Variants in PRDM2 observed in about 807,000 individuals in gnomAD.
PRDM2 encodes PR/SET domain 2.
In PRDM2, 30 loss-of-function variants were observed where a neutral mutation model predicts 130.0. The observed-to-expected ratio is 0.23, with a 90% CI of 0.17 to 0.31. PRDM2 has a LOEUF of 0.31. Among genes scored for constraint, PRDM2 ranks in the 10% least tolerant of loss-of-function variants. The pLI, the probability that PRDM2 is intolerant of heterozygous loss-of-function variation, is 1.00. For synonymous variants in PRDM2, 871 were observed against 782.4 expected, an observed-to-expected ratio of 1.11 and a Z score of -1.89; for missense variants, 2,011 against 2,108.4, an observed-to-expected ratio of 0.95 and a Z score of 0.90.
At chr1:13,789,591 C>T (rs114873185) in intron 8 of PRDM2, among the ~76,000 whole-genome samples, 186 of 152,210 alleles carry the variant, frequency 1.2e-3, no homozygotes, top group Middle Eastern at 3.4e-3. Flanking sequence ...AGATGACTGC[C>T]GGCTTTTAAT....
At chr1:13,701,519 T>A (rs1642073292) in intron 1 of PRDM2, among the ~76,000 whole-genome samples, 1 of 152,192 alleles carries the variant, frequency 6.6e-6, no homozygotes, top group Non-Finnish European at 1.5e-5. Flanking sequence ...TGAGACACAC[T>A]GTCATACGTT....
At position 13,769,819 on chromosome 1, in the gene PRDM2, C is replaced by T. The variant is rs527346647; in HGVS notation, c.512-3259C>T. Among the ~76,000 whole-genome samples, 3 of 152,272 alleles carry T rather than the reference C, an allele frequency of 2.0e-5. 1 individual carries two copies. The highest frequency in any genetic ancestry group is 2.1e-4 in the South Asian group (1 of 4,818). The stretch of plus-strand genomic sequence containing the variant: ...AGTTTTTAATACATGTATAGACCGT[C>T]GAGTGTGATCCAGAAATGCATTGAT... On this transcript the variant is annotated intron_variant, in intron 6 of 9. Coordinates refer to ENST00000311066, the MANE Select transcript of PRDM2 (RefSeq NM_001393986.1).
intron 8 of PRDM2, among the ~76,000 whole-genome samples, chr1:13,791,602 G>A (rs1396154728): frequency 6.6e-6 from 1 of 152,154 alleles, no homozygotes; most frequent in Non-Finnish European, 1.5e-5. Flanking sequence ...AAAACAAACA[G>A]GTATTTACGT....
rs933509670 is a variant in PRDM2 at position 13,824,897 on chromosome 1, A to G, written c.*1762A>G. On this transcript the variant is annotated 3_prime_UTR_variant, in exon 10 of 10. Transcript: ENST00000311066. ...GGGTCACTCCTTTTTTGCATGTGCA[A>G]ATGTGCTGGTCACCCTTCAACGCTC... is the stretch of plus-strand genomic sequence containing the variant. 1 of 152,604 alleles carries G rather than the reference A, an allele frequency of 6.6e-6. No individual in the cohort carries two copies. Among genetic ancestry groups the G allele is most frequent in the Non-Finnish European group, 1.5e-5 (1 of 68,042 alleles). 9.5% of individuals were successfully genotyped at this position (152,604 alleles called of 1,614,324 possible).
At chr1:13,728,073 TC>T (rs1205839350) in intron 2 of PRDM2, among the ~76,000 whole-genome samples, 1 of 152,194 alleles carries the variant, frequency 6.6e-6, no homozygotes, top group Non-Finnish European at 1.5e-5. Flanking sequence ...TTCAAGAAAT[TC>T]AGGCACATGT....
chr1:13,778,133 C>T (rs954298218), intron 7 of PRDM2, among the ~76,000 whole-genome samples: 4 of 152,148 alleles, frequency 2.6e-5, no homozygotes, highest in Admixed American at 2.6e-4. Context: ...CACAAATCCC[C>T]AGCTCCACAC....
chr1:13,758,649 G>GA lies in PRDM2; in HGVS notation c.511+9166dup, dbSNP rs1644021486. Among the ~76,000 whole-genome samples the GA allele has an allele frequency of 2.0e-5, 3 of 152,262 alleles. No individual in the cohort carries two copies. In the South Asian group the frequency reaches 6.2e-4, roughly 32 times the overall value. ...GGTTAAAACTTGGTGCGTATATTAA[G>GA]AAAATATCCTAAGGGATTCTGGGTA... On this transcript the variant is annotated intron_variant, in intron 6 of 9. Coordinates refer to ENST00000311066, the MANE Select transcript of PRDM2 (RefSeq NM_001393986.1).
At chr1:13,703,929 G>C (rs895321861) in intron 1 of PRDM2, among the ~76,000 whole-genome samples, 5 of 152,194 alleles carry the variant, frequency 3.3e-5, no homozygotes, top group African/African-American at 1.2e-4. Flanking sequence ...CTTTTGAAGT[G>C]CTTACCTAAC....
chr1:13,782,329 A>G lies in PRDM2; in HGVS notation c.4534A>G (p.Asn1512Asp), dbSNP rs1255900347. ...AAGTAGTGACAAAAACAGTAACAGC[A>G]ACCACCGCAGACGGACAGCGGATGC... Reference protein sequence around the residue: ...PASSDKNSNSNHRRRTADAEI... With the variant: ...PASSDKNSNSDHRRRTADAEI... The change falls in exon 8 of 10, where the codon AAC (asparagine) becomes GAC (aspartate). Residue 1512 changes from asparagine to aspartate, a missense_variant. Coordinates refer to ENST00000311066, the MANE Select transcript of PRDM2 (RefSeq NM_001393986.1). 1 of 1,613,878 alleles carries G rather than the reference A, an allele frequency of 6.2e-7. No homozygotes were observed. The highest frequency in any genetic ancestry group is 1.3e-5 in the African/African-American group (1 of 74,850).
chr1:13,739,983 G>A (rs149535625), intron 4 of PRDM2, among the ~76,000 whole-genome samples: 147 of 152,122 alleles, frequency 9.7e-4, no homozygotes, highest in African/African-American at 3.4e-3. Flanking sequence ...ACGTGTATTC[G>A]TTTGTGAATT....
At chr1:13,792,153 A>G (rs1644850538) in intron 8 of PRDM2, among the ~76,000 whole-genome samples, 1 of 152,240 alleles carries the variant, frequency 6.6e-6, no homozygotes. Context: ...TATTTAAGCT[A>G]AGAATATTTC....
intron 8 of PRDM2, chr1:13,787,278 C>CA (rs1276045433): frequency 1.0e-6 from 1 of 983,064 alleles, no homozygotes; most frequent in African/African-American, 1.7e-5. Flanking sequence ...CAGGCCTGTA[C>CA]AGATGTATGT....
In PRDM2 at chr1:13,792,587, T is replaced by C. The variant is rs150747256; in HGVS notation, c.5036+9756T>C. 2.5e-3 allele frequency among the ~76,000 whole-genome samples: 380 copies of C among 152,368 alleles called. 1 individual carries two copies. The highest frequency in any genetic ancestry group is 4.9e-3 in the Admixed American group (75 of 15,308). On this transcript the variant is annotated intron_variant, in intron 8 of 9. Coordinates refer to ENST00000311066, the MANE Select transcript of PRDM2 (RefSeq NM_001393986.1). ...TTCTATTTCCAGGCTATTATTGGACTTGTGAATTCAGGCACATTCTCCTGT... is the reference window on the plus strand; with the variant it reads ...TTCTATTTCCAGGCTATTATTGGACCTGTGAATTCAGGCACATTCTCCTGT...
rs775416973 is a variant in PRDM2, at chr1:13,782,058, A to G, written c.4263A>G (p.Ala1421=). The G allele has an allele frequency of 4.3e-6, 7 of 1,614,034 alleles. No individual in the cohort carries two copies. The highest frequency in any genetic ancestry group is 5.9e-6 in the Non-Finnish European group (7 of 1,180,040). The change falls in exon 8 of 10, where the codon GCA becomes GCG. Residue 1421 remains alanine (A), a synonymous_variant. Coordinates refer to ENST00000311066, the MANE Select transcript of PRDM2 (RefSeq NM_001393986.1). The part of the protein sequence containing the change: ...KMSSNKLKLN[A]LKKKNQLVQK... ...CGTCGAATAAGCTCAAATTAAATGC[A>G]TTGAAGAAAAAAAATCAGCTAGTAC...
intron 9 of PRDM2, among the ~76,000 whole-genome samples, chr1:13,822,237 A>G (rs1459044468): frequency 4.6e-5 from 7 of 152,060 alleles, no homozygotes; most frequent in Non-Finnish European, 2.9e-5. Flanking sequence ...ACGACCCAGC[A>G]TTTCCGCTCA....
At chr1:13,744,824 T>C (rs918439505) in intron 5 of PRDM2, among the ~76,000 whole-genome samples, 3 of 152,172 alleles carry the variant, frequency 2.0e-5, no homozygotes, top group African/African-American at 7.2e-5. Flanking sequence ...GCCTTTCAGA[T>C]TTTTTACTAG....
At chr1:13,799,953 T>C (rs2100728737) in intron 8 of PRDM2, among the ~76,000 whole-genome samples, 2 of 152,350 alleles carry the variant, frequency 1.3e-5, no homozygotes, top group South Asian at 4.1e-4. Flanking sequence ...TGTACTCAGA[T>C]TCCCCTTATA....
chr1:13,815,862 G>T (rs1645248287), intron 8 of PRDM2, among the ~76,000 whole-genome samples: 1 of 152,220 alleles, frequency 6.6e-6, no homozygotes, highest in Non-Finnish European at 1.5e-5. Context: ...CAGCATGGAA[G>T]TGCTTGGCAC....
chr1:13,791,261 TAGTC>T (rs899933991), intron 8 of PRDM2, among the ~76,000 whole-genome samples: 4 of 152,186 alleles, frequency 2.6e-5, no homozygotes, highest in African/African-American at 9.7e-5. Flanking sequence ...GAGCCTTTAT[TAGTC>T]AGGAGTTGCT....
Sources: allele counts gnomAD v4.1 joint callset (sites outside exome capture counted in the v4.1 genomes callset), GRCh38; gene constraint gnomAD v4.1.1; transcripts MANE v1.5; gene names NCBI Gene and HGNC (gene_info 2026-07-23, HGNC 2026-07-21).